The following BCAP29 variants were observed in gnomAD, a reference collection of about 807,000 sequenced individuals.
The protein encoded by BCAP29 is B cell receptor associated protein 29.
Under a neutral mutation model 31.8 loss-of-function variants are expected in BCAP29, and 34 were observed. That is an observed-to-expected ratio of 1.07 (90% CI 0.81 to 1.42). BCAP29 has a LOEUF of 1.42. Among genes scored for constraint, BCAP29 ranks in the 40% most tolerant of loss-of-function variants. The pLI, the probability that BCAP29 is intolerant of heterozygous loss-of-function variation, is 0.00. For missense variants in BCAP29, 314 were observed against 269.2 expected, an observed-to-expected ratio of 1.17 and a Z score of -1.16; for synonymous variants, 104 against 91.3, an observed-to-expected ratio of 1.14 and a Z score of -0.79.
downstream of BCAP29, chr7:107,621,947 G>A (rs142296035): frequency 7.7e-6 from 4 of 522,414 alleles, no homozygotes; most frequent in African/African-American, 5.8e-5. Context: ...GTAATGGCCT[G>A]AACTGAATTT....
intron 5 of BCAP29, among the ~76,000 whole-genome samples, chr7:107,596,949 C>T (rs987105410): frequency 1.3e-5 from 2 of 152,130 alleles, no homozygotes; most frequent in African/African-American, 4.8e-5. Context: ...GTTTTCCTCT[C>T]CTTTGTTTCC....
chr7:107,618,115 G>GA (rs1442749703), intron 7 of BCAP29, among the ~76,000 whole-genome samples: 9 of 152,146 alleles, frequency 5.9e-5, no homozygotes, highest in Non-Finnish European at 4.4e-5. Context: ...AAGGCAAGGG[G>GA]AAAAATGAAC....
chr7:107,586,964 A>G (rs1488100716), intron 3 of BCAP29, among the ~76,000 whole-genome samples: 1 of 152,038 alleles, frequency 6.6e-6, no homozygotes, highest in African/African-American at 2.4e-5. Flanking sequence ...TCCTGAGCTC[A>G]AAGCGATCCG....
chr7:107,598,528 G>A (rs925205401), intron 5 of BCAP29, among the ~76,000 whole-genome samples: 18 of 151,796 alleles, frequency 1.2e-4, no homozygotes, highest in Non-Finnish European at 1.8e-4. Flanking sequence ...TGCTCGTTTC[G>A]TCCTTTCTAC....
chr7:107,599,198 TAC>T (rs1210794094), intron 5 of BCAP29, among the ~76,000 whole-genome samples: 4 of 26,894 alleles, frequency 1.5e-4, no homozygotes, highest in South Asian at 1.3e-3. Context: ...TGTATATAAA[TAC>T]ATATTTATAA....
chr7:107,585,357 G>T (rs991732665), intron 3 of BCAP29, among the ~76,000 whole-genome samples: 3 of 152,166 alleles, frequency 2.0e-5, no homozygotes, highest in African/African-American at 7.2e-5. Context: ...TGAATGATTT[G>T]TGCCTCTTTT....
At chr7:107,599,143 ATATAAATATATATT>A (rs1389716557) in intron 5 of BCAP29, among the ~76,000 whole-genome samples, 1 of 128,036 alleles carries the variant, frequency 7.8e-6, no homozygotes, top group Non-Finnish European at 1.6e-5. Flanking sequence ...ATTTATATGT[ATATAAATATATATT>A]TATAAATATA....
Position 107,614,553 on chromosome 7 carries a change from AT to A in BCAP29, c.690+1123del, listed in dbSNP as rs369505234. Among the ~76,000 whole-genome samples, 646 of 152,342 alleles carry A rather than the reference AT, an allele frequency of 4.2e-3. 7 individuals carry two copies. Among genetic ancestry groups the A allele is most frequent in the African/African-American group, 0.015 (611 of 41,578 alleles). On this transcript the variant is annotated intron_variant, in intron 7 of 7. Coordinates refer to ENST00000005259, the MANE Select transcript of BCAP29 (RefSeq NM_018844.4). ...GATAGGTATTATCATCATCATCTGT[AT>A]TACTTCCTCTGTAGGAATTTTGCTG... is the stretch of plus-strand genomic sequence containing the variant.
intron 7 of BCAP29, among the ~76,000 whole-genome samples, chr7:107,614,464 G>A (rs1177994891): frequency 6.6e-6 from 1 of 152,154 alleles, no homozygotes; most frequent in Non-Finnish European, 1.5e-5. Flanking sequence ...ATTGTTAAGA[G>A]AACTAAATAA....
At chr7:107,600,927 A>G (rs1214474256) in intron 6 of BCAP29, among the ~76,000 whole-genome samples, 1 of 152,228 alleles carries the variant, frequency 6.6e-6, no homozygotes, top group African/African-American at 2.4e-5. Context: ...CCTGTTAGAC[A>G]TAAGGAAAGC....
intron 1 of BCAP29, 29 bp from the exon 2 acceptor site, chr7:107,580,730 C>G (rs377038667): frequency 6.7e-7 from 1 of 1,492,032 alleles, no homozygotes; most frequent in East Asian, 2.4e-5. Context: ...TGAAAGGAAG[C>G]AAGAGAAAAT....
chr7:107,600,092 T>C, intron 5 of BCAP29: 1 of 342,724 alleles, frequency 2.9e-6, no homozygotes, highest in Non-Finnish European at 5.6e-6. Context: ...TTCTCATTAA[T>C]TGAGGAAGAA....
chr7:107,600,410 A>G lies in BCAP29; in HGVS notation c.494A>G (p.His165Arg), dbSNP rs369170874. ...CTTTTGCAATAGATTTTGAAAAGCC[A>G]TGGTAAAGATGAAGAATGTGTTTTG... ...NEKLKRILKS[H>R]GKDEECVLEA... Residue 165 changes from histidine (H) to arginine (R), a missense_variant, in exon 6 of 8, where the codon CAT (histidine) becomes CGT (arginine). Transcript: ENST00000005259. The G allele has an allele frequency of 1.1e-5, 18 of 1,602,336 alleles. No homozygotes were observed. Among genetic ancestry groups the G allele is most frequent in the Non-Finnish European group, 1.5e-5 (17 of 1,170,998 alleles).
chr7:107,621,389 C>G (rs1462934476), downstream of BCAP29: 1 of 170,976 alleles, frequency 5.8e-6, no homozygotes, highest in African/African-American at 2.4e-5. Flanking sequence ...GTGTTTCTTT[C>G]CAGTTTGATC....
chr7:107,591,633 T>TACACACACACACACACACACAC (rs1808794899), intron 3 of BCAP29, among the ~76,000 whole-genome samples: 1 of 20,416 alleles, frequency 4.9e-5, no homozygotes, highest in African/African-American at 3.1e-4. Context: ...CTTTTCCCCA[T>TACACACACACACACACACACAC]ACACACATAC....
At position 107,594,232 on chromosome 7, in the gene BCAP29, A is replaced by T; in HGVS notation, c.344+127A>T. On this transcript the variant is annotated intron_variant, in intron 4 of 7. Transcript: ENST00000005259. Reference sequence around the variant, plus strand: ...GAGACAACCTTTCGCTCTGTTGCCCAGGCTGCAGTGCAGTGGTGCCTTCAT... The same window carrying T: ...GAGACAACCTTTCGCTCTGTTGCCCTGGCTGCAGTGCAGTGGTGCCTTCAT... The T allele has an allele frequency of 3.6e-6, 3 of 829,640 alleles. No individual in the cohort carries two copies. The Admixed American group carries it at 8.5e-5, about 23-fold the overall frequency. 51.4% of individuals were successfully genotyped at this position (829,640 alleles called of 1,614,324 possible). A position where few individuals can be genotyped will look rare whatever the true frequency, so the allele number is the denominator to read the frequency against.
At chr7:107,596,514 T>C (rs1287157199) in intron 5 of BCAP29, among the ~76,000 whole-genome samples, 3 of 152,226 alleles carry the variant, frequency 2.0e-5, no homozygotes, top group African/African-American at 7.2e-5. Flanking sequence ...TATCTTTTGA[T>C]CTCATTTCAC....
chr7:107,613,592 A>G (rs1813612530), intron 7 of BCAP29, 160 bp downstream of exon 7: 1 of 1,489,204 alleles, frequency 6.7e-7, no homozygotes, highest in Non-Finnish European at 9.3e-7. Context: ...GAGGGTAAAG[A>G]TTAGGACATT....
chr7:107,622,439 TC>T (rs1815059134), downstream of BCAP29: 1 of 153,724 alleles, frequency 6.5e-6, no homozygotes, highest in Non-Finnish European at 1.4e-5. Context: ...AGGATATAGA[TC>T]CTGGCATACC....
Sources: allele counts gnomAD v4.1 joint callset (sites outside exome capture counted in the v4.1 genomes callset), GRCh38; gene constraint gnomAD v4.1.1; transcripts MANE v1.5; gene names NCBI Gene and HGNC (gene_info 2026-07-23, HGNC 2026-07-21).